PDZD2: variants seen among roughly 807,000 people sequenced by gnomAD.
PDZD2 encodes the protein PDZ domain-containing protein 2.
A neutral mutation model predicts 220.7 loss-of-function variants in PDZD2; 90 were observed. The observed-to-expected ratio is 0.41, with a 90% CI of 0.34 to 0.49. The LOEUF is 0.49. PDZD2 is among the 20% of genes least tolerant of loss of function. The pLI is 0.28. For missense variants in PDZD2, 3,174 were observed against 3,608.5 expected, an observed-to-expected ratio of 0.88 and a Z score of 3.08; for synonymous variants, 1,375 against 1,450.5, an observed-to-expected ratio of 0.95 and a Z score of 1.18.
At chr5:31,676,412 CTG>C (rs1746419347) in intron 1 of PDZD2, among the ~76,000 whole-genome samples, 1 of 151,938 alleles carries the variant, frequency 6.6e-6, no homozygotes, top group East Asian at 1.9e-4. Context: ...ACGAGAGGGA[CTG>C]AGAGAGGCAG....
chr5:32,088,092 G>A lies in PDZD2; in HGVS notation c.4644G>A (p.Leu1548=), dbSNP rs764900539. 1.2e-6 allele frequency: 2 copies of A among 1,614,200 alleles called. No homozygotes were observed. Among genetic ancestry groups the A allele is most frequent in the Non-Finnish European group, 1.7e-6 (2 of 1,180,026 alleles). ...SGLGDSTEPS[L]SSMYGDAEDS... is the part of the protein sequence containing the mutation. ...TGGGTGACAGCACGGAGCCGTCTCT[G>A]TCATCCATGTATGGCGATGCTGAGG... The change falls in exon 20 of 25, where the codon CTG becomes CTA. Residue 1548 remains leucine (L), a synonymous_variant. Transcript: ENST00000438447. This position sits in a 1 kb window ranked among gnomAD's most constrained non-coding sequence, Gnocchi z 4.6.
intron 2 of PDZD2, among the ~76,000 whole-genome samples, chr5:31,933,120 A>G (rs1745442614): frequency 6.6e-6 from 1 of 152,144 alleles, no homozygotes; most frequent in Admixed American, 6.5e-5. Context: ...CATGTTGGCC[A>G]GGCTGGTCTC....
At chr5:32,075,438 T>C (rs1366379348) in intron 18 of PDZD2, among the ~76,000 whole-genome samples, 1 of 152,214 alleles carries the variant, frequency 6.6e-6, no homozygotes, top group Non-Finnish European at 1.5e-5. Flanking sequence ...TTATGAGTGA[T>C]CCTTATATTT....
rs547448593 is a variant in PDZD2 at position 31,841,982 on chromosome 5, G to C, written c.476+42258G>C. ...CAAGACTCCATCTCAAAAAAAAAAA[G>C]AATAATACCTAACTCCTAAGGCGAT... is the stretch of plus-strand genomic sequence containing the variant. On this transcript the variant is annotated intron_variant, in intron 2 of 24. Transcript: ENST00000438447. Among the ~76,000 whole-genome samples, 68 of 151,440 alleles carry C rather than the reference G, an allele frequency of 4.5e-4. 1 individual carries two copies. The highest frequency in any genetic ancestry group is 1.5e-3 in the African/African-American group (63 of 41,318).
At chr5:31,656,911 G>C (rs1472345722) in intron 1 of PDZD2, among the ~76,000 whole-genome samples, 1 of 152,166 alleles carries the variant, frequency 6.6e-6, no homozygotes, top group African/African-American at 2.4e-5. Context: ...TTATTATCAA[G>C]TTGACATTCT....
At chr5:31,913,779 T>G (rs1228380897) in intron 2 of PDZD2, among the ~76,000 whole-genome samples, 2 of 152,200 alleles carry the variant, frequency 1.3e-5, no homozygotes, top group Non-Finnish European at 2.9e-5. Flanking sequence ...TACACAATAT[T>G]AGAAGTAGAG....
In PDZD2 at chr5:31,700,924, G is replaced by C. The variant is rs924834981; in HGVS notation, c.-361+61487G>C. Among the ~76,000 whole-genome samples, 7 of 152,184 alleles carry C rather than the reference G, an allele frequency of 4.6e-5. No homozygotes were observed. In the South Asian group the frequency reaches 6.2e-4, roughly 14 times the overall value. On this transcript the variant is annotated intron_variant, in intron 1 of 24. Coordinates refer to ENST00000438447, the MANE Select transcript of PDZD2 (RefSeq NM_178140.4). ...AGGAGCTAGACGTCTCTGAAAGTGGGCTCCCATCTCCTGGGGGGCTGTCTT... is the reference window on the plus strand; with the variant it reads ...AGGAGCTAGACGTCTCTGAAAGTGGCCTCCCATCTCCTGGGGGGCTGTCTT...
At position 32,078,312 on chromosome 5, in the gene PDZD2, C is replaced by T. The variant is rs144370457; in HGVS notation, c.3682+706C>T. 2.1e-3 allele frequency among the ~76,000 whole-genome samples: 317 copies of T among 152,256 alleles called. 2 individuals are homozygous for T. Among genetic ancestry groups the T allele is most frequent in the African/African-American group, 7.2e-3 (298 of 41,554 alleles). On this transcript the variant is annotated intron_variant, in intron 19 of 24. Coordinates refer to ENST00000438447, the MANE Select transcript of PDZD2 (RefSeq NM_178140.4). ...TAAGTGTTGATGAGAGATTAAGTAACATCGTGGAGGCAGAAGTTATCTCAG... is the reference window on the plus strand; with the variant it reads ...TAAGTGTTGATGAGAGATTAAGTAATATCGTGGAGGCAGAAGTTATCTCAG...
At position 32,069,588 on chromosome 5, in the gene PDZD2, A is replaced by G; in HGVS notation, c.2471A>G (p.Asp824Gly). 6.3e-7 allele frequency: 1 copy of G among 1,596,702 alleles called. No homozygotes were observed. The highest frequency in any genetic ancestry group is 8.6e-7 in the Non-Finnish European group (1 of 1,164,124). The change falls in exon 15 of 25, where the codon GAT (aspartate) becomes GGT (glycine). Residue 824 changes from aspartate to glycine, a missense_variant. By Grantham distance (94) the Asp-to-Gly change is moderately conservative. Coordinates refer to ENST00000438447, the MANE Select transcript of PDZD2 (RefSeq NM_178140.4). ...PNPKVSEQEMDEVIARSTYQE... is the reference protein window; with the variant it reads ...PNPKVSEQEMGEVIARSTYQE... The stretch of plus-strand genomic sequence containing the variant: ...AATCAGGTTTCCGAGCAGGAAATGG[A>G]TGAAGTCATAGCACGCAGCACTTAT...
At chr5:31,913,181 C>T (rs1743354745) in intron 2 of PDZD2, among the ~76,000 whole-genome samples, 3 of 152,118 alleles carry the variant, frequency 2.0e-5, no homozygotes, top group South Asian at 2.1e-4. Context: ...CCAGCCTGGC[C>T]AATATGGCAA....
Position 32,034,887 on chromosome 5 carries a change from A to G in PDZD2, c.1408-2344A>G, listed in dbSNP as rs187195091. ...TGATGTCAGGATTTGGGGTTGGGAA[A>G]GACATCCCTCCAGGGAATCTCTAAA... is the stretch of plus-strand genomic sequence containing the variant. On this transcript the variant is annotated intron_variant, in intron 6 of 24. Coordinates refer to ENST00000438447, the MANE Select transcript of PDZD2 (RefSeq NM_178140.4). 5.8e-3 allele frequency among the ~76,000 whole-genome samples: 879 copies of G among 152,358 alleles called. 4 individuals carry two copies. The highest frequency in any genetic ancestry group is 8.0e-3 in the Non-Finnish European group (541 of 68,034).
At chr5:32,048,714 G>A in intron 8 of PDZD2, 30 bp downstream of exon 8, 1 of 1,610,762 alleles carries the variant, frequency 6.2e-7, no homozygotes, top group South Asian at 1.1e-5. Context: ...TCTTTTCAAA[G>A]ACCATAAGGG....
At chr5:31,666,124 T>G (rs949746717) in intron 1 of PDZD2, among the ~76,000 whole-genome samples, 3 of 152,168 alleles carry the variant, frequency 2.0e-5, no homozygotes, top group African/African-American at 7.2e-5. Flanking sequence ...TGGTACAAAT[T>G]TTCAAATGCC....
intron 1 of PDZD2, among the ~76,000 whole-genome samples, chr5:31,721,008 GACA>G (rs1313669480): frequency 4.6e-5 from 7 of 152,164 alleles, no homozygotes; most frequent in South Asian, 4.1e-4. Context: ...GAGAGGCAGA[GACA>G]ACAAGGCAGG....
intron 2 of PDZD2, among the ~76,000 whole-genome samples, chr5:31,865,915 G>C (rs1217760359): frequency 6.6e-6 from 1 of 150,724 alleles, no homozygotes; most frequent in Non-Finnish European, 1.5e-5. Flanking sequence ...ACAGGCGTGA[G>C]CCACCGCACC....
intron 1 of PDZD2, among the ~76,000 whole-genome samples, chr5:31,664,451 T>TAC (rs10629638): frequency 0.27 from 39,008 of 144,590 alleles, 5,202 homozygotes; most frequent in East Asian, 0.4. Context: ...CATGCATGCA[T>TAC]ACACACACAC....
In PDZD2 at chr5:31,646,268, T is replaced by C. The variant is rs1745132362; in HGVS notation, c.-361+6831T>C. On this transcript the variant is annotated intron_variant, in intron 1 of 24. Transcript: ENST00000438447. The surrounding 1 kb of genome is among the most constrained non-coding windows in gnomAD (Gnocchi z 4.7). Reference sequence around the variant, plus strand: ...GGAGACTGGAGAGGCAAGTGTATTTTGGGGTAGCCATAATATCTTGGGTTG... The same window carrying C: ...GGAGACTGGAGAGGCAAGTGTATTTCGGGGTAGCCATAATATCTTGGGTTG... Among the ~76,000 whole-genome samples, 1 of 152,136 alleles carries C rather than the reference T, an allele frequency of 6.6e-6. No individual in the cohort carries two copies. The highest frequency in any genetic ancestry group is 2.4e-5 in the African/African-American group (1 of 41,418).
At chr5:32,003,331 C>CCCACCCCCCACA (rs764711883) in intron 5 of PDZD2, among the ~76,000 whole-genome samples, 1 of 69,682 alleles carries the variant, frequency 1.4e-5, no homozygotes, top group Non-Finnish European at 2.5e-5. Flanking sequence ...ACACACACCC[C>CCCACCCCCCACA]CACCACACCA....
chr5:31,812,863 G>A (rs1755205083), intron 2 of PDZD2, among the ~76,000 whole-genome samples: 1 of 152,140 alleles, frequency 6.6e-6, no homozygotes, highest in Non-Finnish European at 1.5e-5. Flanking sequence ...TTACAGGAGT[G>A]AGCCACTGCT....
Sources: gnomAD v4.1 joint callset for allele counts (sites outside exome capture counted in the v4.1 genomes callset) on GRCh38, gnomAD v4.1.1 for gene constraint, Gnocchi (gnomAD v3.1) non-coding constraint, MANE v1.5 for transcripts, NCBI Gene and HGNC (gene_info 2026-07-23, HGNC 2026-07-21) for gene names.